Variants in TNS3 observed in about 807,000 individuals in gnomAD.
The protein encoded by TNS3 is tensin-3.
Under a neutral mutation model 140.9 loss-of-function variants are expected in TNS3, and 45 were observed. That is an observed-to-expected ratio of 0.32 (90% CI 0.25 to 0.41). TNS3 has a LOEUF of 0.41. Ranked by LOEUF, TNS3 falls within the 10% of genes least tolerant of loss-of-function variation. TNS3 has a pLI of 1.00. For missense variants in TNS3, 1,716 were observed against 1,906.7 expected, an observed-to-expected ratio of 0.90 and a Z score of 1.86; for synonymous variants, 815 against 788.4, an observed-to-expected ratio of 1.03 and a Z score of -0.56.
At chr7:47,499,842 G>A (rs560817753) in intron 3 of TNS3, among the ~76,000 whole-genome samples, 3 of 152,092 alleles carry the variant, frequency 2.0e-5, no homozygotes, top group South Asian at 4.2e-4. Flanking sequence ...GAGCCCTAAC[G>A]TAGACTGTGG....
chr7:47,366,358 GAGT>G (rs1333782801), intron 17 of TNS3, among the ~76,000 whole-genome samples: 1 of 152,146 alleles, frequency 6.6e-6, no homozygotes, highest in African/African-American at 2.4e-5. Flanking sequence ...TACAAAGAGG[GAGT>G]TACTCAGGCA....
intron 16 of TNS3, among the ~76,000 whole-genome samples, chr7:47,394,518 C>A (rs1467652061): frequency 6.6e-6 from 1 of 152,236 alleles, no homozygotes; most frequent in Non-Finnish European, 1.5e-5. Flanking sequence ...TCTGTCAAGG[C>A]AGCGTGAATG....
chr7:47,297,089 G>T lies in TNS3; in HGVS notation c.3669C>A (p.Asn1223Lys), dbSNP rs1289684044. 1 of 1,614,002 alleles carries T rather than the reference G, an allele frequency of 6.2e-7. No individual in the cohort carries two copies. Among genetic ancestry groups the T allele is most frequent in the African/African-American group, 1.3e-5 (1 of 74,920 alleles). The change falls in exon 24 of 31, where the codon AAC becomes AAA. Residue 1223 changes from asparagine (N) to lysine (K), a missense_variant. Physicochemically the swap from Asn to Lys is moderately conservative, Grantham distance 94. Transcript: ENST00000311160. ...ATPPPSVLQLNKKAGDLANEL... is the reference protein window; with the variant it reads ...ATPPPSVLQLKKKAGDLANEL... ...AGGGAGCAGTAACCTTACCTTTCTT[G>T]TTCAGCTGCAGGACTGAAGGTGGGG...
chr7:47,555,593 C>T (rs1027845906), intron 1 of TNS3, among the ~76,000 whole-genome samples: 1 of 152,178 alleles, frequency 6.6e-6, no homozygotes. Context: ...TTATCATCGT[C>T]TTATTTTAAG....
chr7:47,401,608 C>G (rs1398404669), intron 13 of TNS3, among the ~76,000 whole-genome samples: 2 of 152,206 alleles, frequency 1.3e-5, no homozygotes, highest in East Asian at 1.9e-4. Context: ...GCCAATGAGC[C>G]AAAGGGTAGA....
chr7:47,374,292 T>C (rs1194990458), intron 16 of TNS3, among the ~76,000 whole-genome samples: 2 of 152,194 alleles, frequency 1.3e-5, no homozygotes, highest in Non-Finnish European at 2.9e-5. Flanking sequence ...AAACAGCAGC[T>C]GCAAGCAAAT....
intron 7 of TNS3, among the ~76,000 whole-genome samples, chr7:47,437,017 T>C (rs972095576): frequency 6.6e-6 from 1 of 152,190 alleles, no homozygotes; most frequent in Non-Finnish European, 1.5e-5. Context: ...ATTAGTGTTG[T>C]AAGATTCTCC....
chr7:47,483,117 TG>T (rs879541559), intron 3 of TNS3, among the ~76,000 whole-genome samples: 6 of 151,828 alleles, frequency 4.0e-5, no homozygotes, highest in Non-Finnish European at 5.9e-5. Flanking sequence ...GTGTAACAAA[TG>T]TACCACAGGA....
intron 4 of TNS3, among the ~76,000 whole-genome samples, chr7:47,458,507 T>G (rs1381660018): frequency 6.6e-6 from 1 of 152,202 alleles, no homozygotes; most frequent in Non-Finnish European, 1.5e-5. Context: ...CCTGTACAAA[T>G]TGGATCTGAA....
rs1784940298 is a variant in TNS3 at position 47,277,916 on chromosome 7, T to C, written c.*160A>G. 1.2e-6 allele frequency: 1 copy of C among 823,428 alleles called. No individual in the cohort carries two copies. Among genetic ancestry groups the C allele is most frequent in the African/African-American group, 1.7e-5 (1 of 59,180 alleles). The allele number at this position is 823,428 out of a possible 1,614,324, so 51.0% of individuals were successfully genotyped here. A position where few individuals can be genotyped will look rare whatever the true frequency, so the allele number is the denominator to read the frequency against. Reference sequence around the variant, plus strand: ...GAAAGGCCAATTCACGGTGATGTTGTTTGTTCTTGTTTTTGCAGAGCTGGA... The same window carrying C: ...GAAAGGCCAATTCACGGTGATGTTGCTTGTTCTTGTTTTTGCAGAGCTGGA... On this transcript the variant is annotated 3_prime_UTR_variant, in exon 31 of 31. Transcript: ENST00000311160.
intron 20 of TNS3, among the ~76,000 whole-genome samples, chr7:47,306,507 T>C (rs1262295946): frequency 6.6e-6 from 1 of 152,210 alleles, no homozygotes; most frequent in Non-Finnish European, 1.5e-5. Flanking sequence ...TGGTCACACG[T>C]CATTTCAATA....
intron 17 of TNS3, among the ~76,000 whole-genome samples, chr7:47,351,859 G>A (rs1789693966): frequency 6.6e-6 from 1 of 152,066 alleles, no homozygotes; most frequent in Admixed American, 6.5e-5. Context: ...GACTGGAGCT[G>A]CCCCTCCCAC....
intron 20 of TNS3, among the ~76,000 whole-genome samples, chr7:47,316,295 G>C (rs1787407969): frequency 2.0e-5 from 3 of 152,044 alleles, no homozygotes; most frequent in African/African-American, 4.8e-5. Flanking sequence ...GGGGAATTGG[G>C]GCTGCTGCAG....
intron 4 of TNS3, among the ~76,000 whole-genome samples, chr7:47,461,873 A>G (rs1406000529): frequency 6.6e-6 from 1 of 152,242 alleles, no homozygotes; most frequent in Non-Finnish European, 1.5e-5. Context: ...GGCAGAGTCC[A>G]GAGGATTTCT....
At chr7:47,511,922 CAT>C (rs1474867352) in intron 2 of TNS3, among the ~76,000 whole-genome samples, 1 of 152,250 alleles carries the variant, frequency 6.6e-6, no homozygotes, top group Non-Finnish European at 1.5e-5. Context: ...AGGCTCCTTC[CAT>C]GCAGCCCCGT....
At chr7:47,542,401 C>T (rs962885424) in intron 1 of TNS3, among the ~76,000 whole-genome samples, 10 of 152,148 alleles carry the variant, frequency 6.6e-5, no homozygotes, top group African/African-American at 2.4e-4. Context: ...ATCCTTAGTC[C>T]CTCTGACGTG....
intron 2 of TNS3, among the ~76,000 whole-genome samples, chr7:47,512,717 G>A (rs764332253): frequency 6.6e-6 from 1 of 152,056 alleles, no homozygotes; most frequent in Non-Finnish European, 1.5e-5. Context: ...GGGAAAACTG[G>A]TTACTCCATG....
chr7:47,296,997 T>C (rs1786062157), intron 24 of TNS3, 85 bp downstream of exon 24: 1 of 1,513,756 alleles, frequency 6.6e-7, no homozygotes, highest in Non-Finnish European at 8.9e-7. Context: ...GTTAAAGTCA[T>C]CTTTTATTTT....
At chr7:47,434,996 A>G (rs906388616) in intron 8 of TNS3, among the ~76,000 whole-genome samples, 1 of 152,214 alleles carries the variant, frequency 6.6e-6, no homozygotes. Flanking sequence ...ATAAAAATGA[A>G]ACGATTTGCT....
Sources: gnomAD v4.1 joint callset for allele counts (sites outside exome capture counted in the v4.1 genomes callset) on GRCh38, gnomAD v4.1.1 for gene constraint, MANE v1.5 for transcripts, NCBI Gene and HGNC (gene_info 2026-07-23, HGNC 2026-07-21) for gene names.